RPTOR: variants seen among roughly 807,000 people sequenced by gnomAD.
RPTOR encodes regulatory-associated protein of mTOR.
A neutral mutation model predicts 169.9 loss-of-function variants in RPTOR; 21 were observed. That is an observed-to-expected ratio of 0.12 (90% confidence interval 0.09 to 0.18). The LOEUF is 0.18. RPTOR is among the 10% of genes least tolerant of loss of function. The pLI is 1.00. For synonymous variants in RPTOR, 732 were observed against 753.2 expected, an observed-to-expected ratio of 0.97 and a Z score of 0.46; for missense variants, 1,133 against 1,855.9, an observed-to-expected ratio of 0.61 and a Z score of 7.16.
At chr17:80,898,250 CAT>C (rs2068431422) in intron 20 of RPTOR, among the ~76,000 whole-genome samples, 2 of 152,238 alleles carry the variant, frequency 1.3e-5, no homozygotes, top group South Asian at 4.1e-4. Flanking sequence ...GCAGTATTCT[CAT>C]GAGTCTCTAA....
chr17:80,827,469 A>G (rs1440253027), intron 9 of RPTOR, among the ~76,000 whole-genome samples: 3 of 152,128 alleles, frequency 2.0e-5, no homozygotes, highest in Non-Finnish European at 4.4e-5. Context: ...TTGGCCTCCC[A>G]CCACTCAGAG....
intron 25 of RPTOR, among the ~76,000 whole-genome samples, chr17:80,943,573 C>G (rs371613624): frequency 1.8e-4 from 27 of 152,222 alleles, no homozygotes; most frequent in African/African-American, 6.5e-4. Context: ...GTGGCTCCCC[C>G]CGTTGTCCCA....
At chr17:80,964,195 G>A (rs1487835443) in intron 33 of RPTOR, 67 bp from the exon 34 acceptor site, 73 of 1,105,618 alleles carry the variant, frequency 6.6e-5, no homozygotes, top group Middle Eastern at 3.9e-4. Context: ...GTTGGCCTGC[G>A]CCCCCCCGCC....
chr17:80,851,089 C>T (rs936869358), intron 11 of RPTOR, among the ~76,000 whole-genome samples: 8 of 152,108 alleles, frequency 5.3e-5, no homozygotes, highest in South Asian at 4.1e-4. Flanking sequence ...CCATCATGCC[C>T]GGCTCATTTT....
chr17:80,929,728 G>A (rs1408222432), intron 24 of RPTOR, among the ~76,000 whole-genome samples: 1 of 152,168 alleles, frequency 6.6e-6, no homozygotes, highest in African/African-American at 2.4e-5. Context: ...GTGAAGGAGC[G>A]ACTTGAGATG....
At chr17:80,798,994 G>A (rs182340709) in intron 7 of RPTOR, among the ~76,000 whole-genome samples, 244 of 152,164 alleles carry the variant, frequency 1.6e-3, no homozygotes, top group Admixed American at 3.8e-3. Flanking sequence ...CATCCATCAC[G>A]TTCACATCTG....
chr17:80,899,918 A>T (rs2068453921), intron 20 of RPTOR, among the ~76,000 whole-genome samples: 3 of 152,164 alleles, frequency 2.0e-5, no homozygotes, highest in Admixed American at 6.5e-5. Context: ...GCCTCCAAGG[A>T]TACTCCTGTG....
Position 80,964,334 on chromosome 17 carries a change from C to T in RPTOR, c.*4C>T, listed in dbSNP as rs55677452. On this transcript the variant is annotated 3_prime_UTR_variant, in exon 34 of 34. Transcript: ENST00000306801. Reference sequence around the variant, plus strand: ...GGTGGAGAAGCGTGTCAGATAGCGGCGTGACCCGGGCCCACCAGGCCACGG... The same window carrying T: ...GGTGGAGAAGCGTGTCAGATAGCGGTGTGACCCGGGCCCACCAGGCCACGG... 0.022 allele frequency: 35,688 copies of T among 1,605,830 alleles called. 538 individuals carry two copies. The highest frequency in any genetic ancestry group is 0.038 in the South Asian group (3,506 of 91,080).
intron 6 of RPTOR, among the ~76,000 whole-genome samples, chr17:80,774,908 A>G (rs1026047867): frequency 1.1e-4 from 17 of 152,134 alleles, no homozygotes; most frequent in Non-Finnish European, 2.2e-4. Context: ...CAAGTAATTA[A>G]GCTGCTTGCT....
chr17:80,545,870 G>A, intron 1 of RPTOR, 79 bp downstream of exon 1: 1 of 1,282,286 alleles, frequency 7.8e-7, no homozygotes, highest in East Asian at 2.6e-5. Context: ...AAGTGTCCTT[G>A]GGAAAGCGCC....
intron 12 of RPTOR, among the ~76,000 whole-genome samples, chr17:80,857,545 C>T (rs1475126212): frequency 6.6e-6 from 1 of 152,236 alleles, no homozygotes. Flanking sequence ...GAAAAGCTGC[C>T]ACCCGATTCA....
Position 80,960,055 on chromosome 17 carries a change from G to T in RPTOR, c.3478-23G>T, listed in dbSNP as rs535127870. 6.2e-7 allele frequency: 1 copy of T among 1,612,088 alleles called. No homozygotes were observed. The highest frequency in any genetic ancestry group is 8.5e-7 in the Non-Finnish European group (1 of 1,179,138). ...GTGGCTCGGTGCCCCGGTCTTCACC[G>T]GGCTGCCTGTGTTTGGCTCTAGGAC... On this transcript the variant is annotated intron_variant, in intron 29 of 33. Coordinates refer to ENST00000306801, the MANE Select transcript of RPTOR (RefSeq NM_020761.3). This position sits in a 1 kb window ranked among gnomAD's most constrained non-coding sequence, Gnocchi z 4.8.
chr17:80,795,150 A>G (rs2143508573), intron 7 of RPTOR, among the ~76,000 whole-genome samples: 1 of 152,354 alleles, frequency 6.6e-6, no homozygotes, highest in Middle Eastern at 3.4e-3. Context: ...CGCTGCGGAC[A>G]ACAGGCCATG....
chr17:80,961,577 G>T (rs1598427960), intron 31 of RPTOR, 97 bp downstream of exon 31: 2 of 1,344,310 alleles, frequency 1.5e-6, no homozygotes, highest in Non-Finnish European at 2.0e-6. Context: ...GCTGGAAGGG[G>T]ATGGCATTTC....
chr17:80,721,696 G>T lies in RPTOR; in HGVS notation c.508-8864G>T, dbSNP rs540254045. Among the ~76,000 whole-genome samples the T allele has an allele frequency of 6.6e-6, 1 of 151,360 alleles. No individual in the cohort carries two copies. The highest frequency in any genetic ancestry group is 2.1e-4 in the South Asian group (1 of 4,820). ...AGTCATACACATGAAATGCACTTTG[G>T]GGGAGAAGGATGAAATATTTTGGTT... On this transcript the variant is annotated intron_variant, in intron 4 of 33. Transcript: ENST00000306801. This position sits in a 1 kb window ranked among gnomAD's most constrained non-coding sequence, Gnocchi z 4.7.
chr17:80,819,978 T>C (rs1567929537), intron 7 of RPTOR, among the ~76,000 whole-genome samples: 1 of 152,148 alleles, frequency 6.6e-6, no homozygotes, highest in Non-Finnish European at 1.5e-5. Context: ...CACCCTGCCC[T>C]GGGCGCCTCT....
At chr17:80,925,508 AGAGTC>A (rs765147879) in intron 24 of RPTOR, 28 bp downstream of exon 24, 3 of 1,552,872 alleles carry the variant, frequency 1.9e-6, no homozygotes, top group Non-Finnish European at 2.7e-6. Flanking sequence ...GGTTCAGAGT[AGAGTC>A]CTAGCGAACA....
In RPTOR at chr17:80,823,537, A is replaced by G; in HGVS notation, c.1136+314A>G. ...AGTTTCTAACCTTTTAGAAACCAGTAGTGAGAAAATAACTTGCTGACTTGA... is the reference window on the plus strand; with the variant it reads ...AGTTTCTAACCTTTTAGAAACCAGTGGTGAGAAAATAACTTGCTGACTTGA... On this transcript the variant is annotated intron_variant, in intron 9 of 33. Transcript: ENST00000306801. This position sits in a 1 kb window ranked among gnomAD's most constrained non-coding sequence, Gnocchi z 4.5. 4.0e-6 allele frequency: 1 copy of G among 250,882 alleles called. No homozygotes were observed. The highest frequency in any genetic ancestry group is 7.8e-6 in the Non-Finnish European group (1 of 128,724). 15.5% of individuals were successfully genotyped at this position (250,882 alleles called of 1,614,324 possible). A position where few individuals can be genotyped will look rare whatever the true frequency, so the allele number is the denominator to read the frequency against.
chr17:80,952,008 G>A (rs888137648), intron 28 of RPTOR, among the ~76,000 whole-genome samples: 5 of 152,218 alleles, frequency 3.3e-5, no homozygotes, highest in Admixed American at 6.5e-5. Context: ...TTCCTGGGAC[G>A]CCGGCTCGGC....
Sources: gnomAD v4.1 joint callset for allele counts (sites outside exome capture counted in the v4.1 genomes callset) on GRCh38, gnomAD v4.1.1 for gene constraint, Gnocchi (gnomAD v3.1) non-coding constraint, MANE v1.5 for transcripts, NCBI Gene and HGNC (gene_info 2026-07-23, HGNC 2026-07-21) for gene names.